Variants in MCTP1 observed in about 807,000 individuals in gnomAD.
MCTP1 encodes the protein multiple C2 and transmembrane domain containing 1, also known as multiple C2 and transmembrane domain-containing protein 1.
MCTP1 carries 69 observed loss-of-function variants against 120.6 expected under a neutral mutation model. The ratio of observed to expected loss-of-function variants is 0.57; its 90% CI spans 0.47 to 0.70. The LOEUF (loss-of-function observed/expected upper bound fraction) is 0.70. Ranked by LOEUF, MCTP1 falls within the 30% of genes least tolerant of loss-of-function variation. The pLI, the probability that MCTP1 is intolerant of heterozygous loss-of-function variation, is 0.00. For synonymous variants in MCTP1, 529 were observed against 493.1 expected (o/e 1.07, Z -0.96); for missense variants, 1,203 against 1,248.8 (o/e 0.96, Z 0.55).
At chr5:94,906,214 G>C (rs1046156942) in intron 10 of MCTP1, among the ~76,000 whole-genome samples, 2 of 152,166 alleles carry the variant, frequency 1.3e-5, no homozygotes, top group African/African-American at 4.8e-5. Flanking sequence ...GCTGGGCGCA[G>C]TGGCTCACAC....
chr5:95,259,771 C>A (rs796736803), intron 1 of MCTP1, among the ~76,000 whole-genome samples: 2 of 152,122 alleles, frequency 1.3e-5, no homozygotes, highest in Non-Finnish European at 2.9e-5. Context: ...GGTACCCTAT[C>A]ACAGTATTCT....
In MCTP1 at chr5:94,882,061, T is replaced by C. The variant is rs576049611; in HGVS notation, c.1933+6818A>G. Among the ~76,000 whole-genome samples the C allele has an allele frequency of 1.5e-4, 23 of 152,304 alleles. No individual in the cohort carries two copies. The Middle Eastern group carries it at 0.014, about 90-fold the overall frequency. ...CCTAAAGTCTTTTCTTTATTCTCTA[T>C]GGTTAAAGCAAGATATCACAGTTTA... On this transcript the variant is annotated intron_variant, in intron 12 of 22. Transcript: ENST00000515393.
chr5:94,881,892 T>C (rs1435343025), intron 12 of MCTP1, among the ~76,000 whole-genome samples: 1 of 152,192 alleles, frequency 6.6e-6, no homozygotes, highest in East Asian at 1.9e-4. Flanking sequence ...GGTTAGTCAA[T>C]GTCCTTCTTT....
chr5:94,887,952 T>C (rs1801697867), intron 12 of MCTP1, among the ~76,000 whole-genome samples: 2 of 152,236 alleles, frequency 1.3e-5, no homozygotes, highest in Admixed American at 6.5e-5. Flanking sequence ...AAAAAGCACA[T>C]TTCTTCCCTT....
chr5:95,109,731 T>G (rs1448022229), intron 1 of MCTP1, among the ~76,000 whole-genome samples: 1 of 152,176 alleles, frequency 6.6e-6, no homozygotes, highest in Non-Finnish European at 1.5e-5. Flanking sequence ...TGTCTCTGAG[T>G]CCAGCAGTTC....
At chr5:95,221,659 T>C (rs535876986) in intron 1 of MCTP1, among the ~76,000 whole-genome samples, 3 of 152,374 alleles carry the variant, frequency 2.0e-5, no homozygotes, top group Non-Finnish European at 4.4e-5. Context: ...AACATTTTAA[T>C]GTCAAAACGT....
chr5:94,901,431 T>A (rs542723570), intron 10 of MCTP1, among the ~76,000 whole-genome samples: 179 of 152,276 alleles, frequency 1.2e-3, no homozygotes, highest in Non-Finnish European at 2.3e-3. Context: ...ATTTTAGAGT[T>A]ACTTTCCCTC....
intron 1 of MCTP1, among the ~76,000 whole-genome samples, chr5:95,094,670 A>G (rs1756089848): frequency 6.6e-6 from 1 of 152,230 alleles, no homozygotes; most frequent in Non-Finnish European, 1.5e-5. Flanking sequence ...AGCGGATAAC[A>G]TACTGTCTTG....
At chr5:94,709,570 A>G (rs1277951911) in intron 21 of MCTP1, 1 of 152,118 alleles carries the variant, frequency 6.6e-6, no homozygotes, top group Non-Finnish European at 1.5e-5. Context: ...ATAAACTGCC[A>G]CGACATGACA....
At chr5:95,282,047 G>A (rs187455400) in intron 1 of MCTP1, among the ~76,000 whole-genome samples, 6 of 152,282 alleles carry the variant, frequency 3.9e-5, no homozygotes, top group South Asian at 2.1e-4. Context: ...ATTGGTTTAC[G>A]AATCTGTAAA....
Position 95,107,304 on chromosome 5 carries a change from G to A in MCTP1, c.721-89820C>T, listed in dbSNP as rs544820915. Among the ~76,000 whole-genome samples, 14 of 152,260 alleles carry A rather than the reference G, an allele frequency of 9.2e-5. No homozygotes were observed. In the South Asian group the frequency reaches 2.9e-3, roughly 32 times the overall value. On this transcript the variant is annotated intron_variant, in intron 1 of 22. Coordinates refer to ENST00000515393, the MANE Select transcript of MCTP1 (RefSeq NM_024717.7). ...ACATAATGAATCGGGTACTCTGGGG[G>A]ACATAGTACTGAAATGCTTCAGGGC...
chr5:95,247,746 G>C (rs1036482212), intron 1 of MCTP1, among the ~76,000 whole-genome samples: 9 of 152,204 alleles, frequency 5.9e-5, no homozygotes, highest in Non-Finnish European at 1.3e-4. Flanking sequence ...TTGCACTGTG[G>C]TGTGAGAGAC....
rs1781166062 is a variant in MCTP1 at position 94,801,182 on chromosome 5, T to G, written c.2437-2050A>C. On this transcript the variant is annotated intron_variant, in intron 17 of 22. Coordinates refer to ENST00000515393, the MANE Select transcript of MCTP1 (RefSeq NM_024717.7). ...ACTAGAATATAAGCTCCTTTAAAGG[T>G]AGACTTTTTGTTTTCATTCACTGTT... Among the ~76,000 whole-genome samples the G allele has an allele frequency of 2.6e-5, 4 of 152,300 alleles. No individual in the cohort carries two copies. The South Asian group carries it at 8.3e-4, about 32-fold the overall frequency.
chr5:94,980,390 A>C (rs1445684290), intron 2 of MCTP1, among the ~76,000 whole-genome samples: 3 of 152,170 alleles, frequency 2.0e-5, no homozygotes, highest in Non-Finnish European at 2.9e-5. Context: ...TCTAGTTACA[A>C]ACCCAGTAAC....
intron 1 of MCTP1, among the ~76,000 whole-genome samples, chr5:95,172,469 G>T (rs184387091): frequency 2.6e-5 from 4 of 152,276 alleles, no homozygotes; most frequent in African/African-American, 9.6e-5. Flanking sequence ...TTACTTCTAA[G>T]ACTCCTTTCT....
intron 17 of MCTP1, among the ~76,000 whole-genome samples, chr5:94,832,151 T>G (rs1392526702): frequency 6.6e-6 from 1 of 152,226 alleles, no homozygotes; most frequent in Non-Finnish European, 1.5e-5. Context: ...TTGAGTTCAT[T>G]ATTCAACAGC....
intron 2 of MCTP1, among the ~76,000 whole-genome samples, chr5:94,995,893 T>G (rs2153626880): frequency 6.6e-6 from 1 of 152,298 alleles, no homozygotes; most frequent in South Asian, 2.1e-4. Flanking sequence ...GAACAAAAGA[T>G]ATGCTAACAG....
intron 1 of MCTP1, among the ~76,000 whole-genome samples, chr5:95,183,683 C>A (rs1038047770): frequency 6.6e-6 from 1 of 151,736 alleles, no homozygotes; most frequent in Non-Finnish European, 1.5e-5. Context: ...AAAGATTGAG[C>A]CGACATTCGC....
At chr5:95,210,286 C>G (rs1244778308) in intron 1 of MCTP1, among the ~76,000 whole-genome samples, 1 of 151,950 alleles carries the variant, frequency 6.6e-6, no homozygotes, top group East Asian at 1.9e-4. Flanking sequence ...TTAAGGTCTC[C>G]CATTATTATT....
Sources: allele counts gnomAD v4.1 joint callset (sites outside exome capture counted in the v4.1 genomes callset), GRCh38; gene constraint gnomAD v4.1.1; transcripts MANE v1.5; gene names NCBI Gene and HGNC (gene_info 2026-07-23, HGNC 2026-07-21).